RSL24D1: variants seen among roughly 807,000 people sequenced by gnomAD.
RSL24D1 encodes the protein ribosomal L24 domain containing 1.
Under a neutral mutation model 26.2 loss-of-function variants are expected in RSL24D1, and 6 were observed. That is an observed-to-expected ratio of 0.23 (90% CI 0.13 to 0.45). The LOEUF is 0.45. Among genes scored for constraint, RSL24D1 ranks in the 20% least tolerant of loss-of-function variants. The probability of loss-of-function intolerance (pLI) is 0.99; values close to 1 mark genes in which losing one functional copy is unlikely to be tolerated. For missense variants in RSL24D1, 176 were observed against 202.6 expected (o/e 0.87, Z 0.80); for synonymous variants, 61 against 59.1 (o/e 1.03, Z -0.15).
chr15:55,191,876 C>G (rs1316292193), intron 2 of RSL24D1, among the ~76,000 whole-genome samples: 1 of 152,196 alleles, frequency 6.6e-6, no homozygotes, highest in East Asian at 1.9e-4. Flanking sequence ...GGCAGTGTTT[C>G]CTCAGGCAGC....
intron 2 of RSL24D1, among the ~76,000 whole-genome samples, chr15:55,191,419 A>G (rs1335237258): frequency 6.6e-6 from 1 of 152,104 alleles, no homozygotes; most frequent in African/African-American, 2.4e-5. Flanking sequence ...GCCATTTTTT[A>G]CAGATCAAAA....
At chr15:55,189,862 C>T (rs1046706589) in intron 3 of RSL24D1, among the ~76,000 whole-genome samples, 1 of 152,194 alleles carries the variant, frequency 6.6e-6, no homozygotes, top group Admixed American at 6.5e-5. Context: ...AATTCTAAGC[C>T]TTACAGACTC....
rs1894172598 is a variant in RSL24D1, at chr15:55,182,024, T to C, written c.*128A>G. On this transcript the variant is annotated 3_prime_UTR_variant, in exon 6 of 6. Coordinates refer to ENST00000260443, the MANE Select transcript of RSL24D1 (RefSeq NM_016304.3). ...ATATCTGATATTATGTAGATGGCAA[T>C]GCAGGAAAGATGTCTTTTAATCGCT... is the stretch of plus-strand genomic sequence containing the variant. 3.3e-6 allele frequency: 2 copies of C among 612,100 alleles called. No homozygotes were observed. Among genetic ancestry groups the C allele is most frequent in the Non-Finnish European group, 5.9e-6 (2 of 340,734 alleles). 37.9% of individuals were successfully genotyped at this position (612,100 alleles called of 1,614,324 possible).
intron 1 of RSL24D1, among the ~76,000 whole-genome samples, chr15:55,195,018 CT>C (rs1894339179): frequency 2.5e-5 from 3 of 121,574 alleles, no homozygotes; most frequent in African/African-American, 1.1e-4. Flanking sequence ...CAGTGAGACC[CT>C]GTCTCAAAAA....
In RSL24D1 at chr15:55,186,820, G is replaced by A. The variant is rs188581544; in HGVS notation, c.269-1395C>T. 2.0e-3 allele frequency among the ~76,000 whole-genome samples: 298 copies of A among 152,080 alleles called. 4 individuals are homozygous for A. Among genetic ancestry groups the A allele is most frequent in the East Asian group, 0.012 (62 of 5,178 alleles). ...TTATGTGAGAATGCTCTTATTTCTG[G>A]AAATACATATTAAACTAGGGACCAA... On this transcript the variant is annotated intron_variant, in intron 3 of 5. Coordinates refer to ENST00000260443, the MANE Select transcript of RSL24D1 (RefSeq NM_016304.3).
rs1053991080 is a variant in RSL24D1 at position 55,181,969 on chromosome 15, T to C, written c.*183A>G. On this transcript the variant is annotated 3_prime_UTR_variant, in exon 6 of 6. Coordinates refer to ENST00000260443, the MANE Select transcript of RSL24D1 (RefSeq NM_016304.3). ...CTTAAGTACATCTATCAGTAAAGAT[T>C]TAACACTGAGATGCAATCTAACATC... 55 of 528,282 alleles carry C rather than the reference T, an allele frequency of 1.0e-4. No individual in the cohort carries two copies. The highest frequency in any genetic ancestry group is 9.5e-4 in the African/African-American group (50 of 52,804). 32.7% of individuals were successfully genotyped at this position (528,282 alleles called of 1,614,324 possible).
At chr15:55,184,250 C>A (rs1420828076) in intron 4 of RSL24D1, among the ~76,000 whole-genome samples, 1 of 151,888 alleles carries the variant, frequency 6.6e-6, no homozygotes, top group East Asian at 1.9e-4. Context: ...AACATGAATG[C>A]ACTCAAAGAA....
intron 3 of RSL24D1, among the ~76,000 whole-genome samples, chr15:55,190,349 C>T (rs1894282394): frequency 6.8e-6 from 1 of 148,146 alleles, no homozygotes; most frequent in Non-Finnish European, 1.5e-5. Flanking sequence ...ACTTTTTCTA[C>T]ATATGAGACT....
intron 3 of RSL24D1, among the ~76,000 whole-genome samples, chr15:55,187,887 T>C (rs2140592799): frequency 6.6e-6 from 1 of 152,000 alleles, no homozygotes; most frequent in African/African-American, 2.4e-5. Flanking sequence ...CCCCAAAAGC[T>C]ATTAAGATTA....
In RSL24D1 at chr15:55,180,927, T is replaced by A. The variant is rs543651165; in HGVS notation, c.*1225A>T. 6.6e-6 allele frequency: 1 copy of A among 152,268 alleles called. No individual in the cohort carries two copies. Among genetic ancestry groups the A allele is most frequent in the East Asian group, 1.9e-4 (1 of 5,180 alleles). 9.4% of individuals were successfully genotyped at this position (152,268 alleles called of 1,614,324 possible). ...CCCTAATCTTCAATCAATAATATTA[T>A]TTACAAATAAGAATACCCAGGCAAA... is the stretch of plus-strand genomic sequence containing the variant. On this transcript the variant is annotated 3_prime_UTR_variant, in exon 6 of 6. Transcript: ENST00000260443.
At chr15:55,184,197 T>A (rs930126677) in intron 4 of RSL24D1, among the ~76,000 whole-genome samples, 1 of 152,130 alleles carries the variant, frequency 6.6e-6, no homozygotes, top group East Asian at 1.9e-4. Context: ...AAAAAAATAG[T>A]TGATTCCAAG....
At chr15:55,190,203 G>T (rs374020872) in intron 3 of RSL24D1, among the ~76,000 whole-genome samples, 150 of 144,968 alleles carry the variant, frequency 1.0e-3, no homozygotes, top group Non-Finnish European at 2.1e-3. Context: ...AGCCGAGATC[G>T]TGCCACTGCA....
intron 1 of RSL24D1, chr15:55,196,405 T>C (rs762076509): frequency 1.5e-5 from 7 of 468,480 alleles, no homozygotes; most frequent in South Asian, 1.1e-4. Context: ...AACACTTCCA[T>C]CAACCTCTAC....
chr15:55,190,923 T>TA, intron 3 of RSL24D1, 52 bp downstream of exon 3: 2 of 1,187,000 alleles, frequency 1.7e-6, no homozygotes, highest in South Asian at 2.6e-5. Flanking sequence ...AGTTATAGTA[T>TA]TATCCCAAAC....
intron 1 of RSL24D1, among the ~76,000 whole-genome samples, chr15:55,195,946 G>A (rs547199131): frequency 7.9e-5 from 12 of 152,232 alleles, no homozygotes; most frequent in African/African-American, 2.9e-4. Flanking sequence ...AATAGATCTG[G>A]TGAAAACCAG....
chr15:55,191,087 G>A (rs781513684), intron 2 of RSL24D1, 40 bp from the exon 3 acceptor site: 1 of 1,354,528 alleles, frequency 7.4e-7, no homozygotes, highest in East Asian at 2.4e-5. Context: ...AAGGTTTTAA[G>A]AAAGGTAGAA....
At position 55,181,282 on chromosome 15, in the gene RSL24D1, T is replaced by C. The variant is rs1398477442; in HGVS notation, c.*870A>G. ...CCAGGTCATCAATATTTCATATCTT[T>C]GTTTAGTGCCTTTAAAGAATAAATA... On this transcript the variant is annotated 3_prime_UTR_variant, in exon 6 of 6. Transcript: ENST00000260443. The C allele has an allele frequency of 2.6e-5, 4 of 152,582 alleles. No homozygotes were observed. The East Asian group carries it at 5.8e-4, about 22-fold the overall frequency. The allele number at this position is 152,582 out of a possible 1,614,324, so 9.5% of individuals were successfully genotyped here. A position where few individuals can be genotyped will look rare whatever the true frequency, so the allele number is the denominator to read the frequency against.
In RSL24D1 at chr15:55,196,839, C is replaced by A. The variant is rs1278504670; in HGVS notation, c.52G>T (p.Gly18Cys). The change falls in exon 1 of 6, where the codon GGC becomes TGC. Residue 18 changes from glycine to cysteine, a missense_variant. Physicochemically the swap from Gly to Cys is radical, Grantham distance 159. Transcript: ENST00000260443. ...CAATCGTTGCGGACGAACATCATGC[C>A]GTGTCCAGGATAGATGGGCCCCGAA... ...FCSGPIYPGH[G>C]MMFVRNDCKV... 2 of 1,614,054 alleles carry A rather than the reference C, an allele frequency of 1.2e-6. No homozygotes were observed. The highest frequency in any genetic ancestry group is 1.7e-6 in the Non-Finnish European group (2 of 1,180,038).
chr15:55,183,093 TGGG>T (rs1450891336), intron 5 of RSL24D1, among the ~76,000 whole-genome samples: 39 of 152,060 alleles, frequency 2.6e-4, no homozygotes, highest in Admixed American at 2.6e-3. Context: ...TTGCATAACT[TGGG>T]GGGATATGGA....
Sources: gnomAD v4.1 joint callset for allele counts (sites outside exome capture counted in the v4.1 genomes callset) on GRCh38, gnomAD v4.1.1 for gene constraint, MANE v1.5 for transcripts, NCBI Gene and HGNC (gene_info 2026-07-23, HGNC 2026-07-21) for gene names.